Variants in MGAM observed in about 807,000 individuals in gnomAD.
The protein encoded by MGAM is maltase-glucoamylase.
MGAM carries 253 observed loss-of-function variants against 358.8 expected under a neutral mutation model. The ratio of observed to expected loss-of-function variants is 0.71; its 90% CI spans 0.64 to 0.78. MGAM has a LOEUF of 0.78. Ranked by LOEUF, MGAM falls within the 30% of genes least tolerant of loss-of-function variation. The pLI is 0.00. For synonymous variants in MGAM, 1,105 were observed against 1,227.1 expected, an observed-to-expected ratio of 0.90 and a Z score of 2.08; for missense variants, 3,080 against 3,432.6, an observed-to-expected ratio of 0.90 and a Z score of 2.57.
intron 21 of MGAM, among the ~76,000 whole-genome samples, chr7:142,043,788 CAT>C (rs1313074411): frequency 2.5e-5 from 2 of 79,254 alleles, no homozygotes; most frequent in East Asian, 3.8e-4. Flanking sequence ...ACACATACGA[CAT>C]ATAATATATA....
At chr7:142,063,376 C>T (rs1812414667) in intron 35 of MGAM, 123 bp from the exon 36 acceptor site, 2 of 1,168,788 alleles carry the variant, frequency 1.7e-6, no homozygotes, top group South Asian at 1.4e-5. Context: ...GATGAAGCTC[C>T]CAGGGCTGGC....
chr7:142,095,537 T>G, intron 63 of MGAM, 28 bp from the exon 64 acceptor site: 1 of 1,612,082 alleles, frequency 6.2e-7, no homozygotes, highest in East Asian at 2.2e-5. Flanking sequence ...CAGGGCAAGC[T>G]CCCAACACTG....
intron 53 of MGAM, among the ~76,000 whole-genome samples, chr7:142,083,926 AGTG>A (rs1563208159): frequency 9.6e-6 from 1 of 104,654 alleles, no homozygotes; most frequent in African/African-American, 8.2e-5. Context: ...TGGTGGTGAC[AGTG>A]GGGTGGTGTG....
rs28566864 is a variant in MGAM, at chr7:142,037,070, A to G, written c.2231+93A>G. ...ATCAGAGTGAAAACTGAAACAATTC[A>G]GGCAGTTATTCATATCTATCTGTAT... On this transcript the variant is annotated intron_variant, in intron 18 of 70. Coordinates refer to ENST00000475668, the MANE Select transcript of MGAM (RefSeq NM_001365693.1). 20,378 of 1,302,668 alleles carry G rather than the reference A, an allele frequency of 0.016. 2,231 individuals carry two copies. In the African/African-American group the frequency reaches 0.25, roughly 16 times the overall value. The allele number at this position is 1,302,668 out of a possible 1,614,324, so 80.7% of individuals were successfully genotyped here. A position where few individuals can be genotyped will look rare whatever the true frequency, so the allele number is the denominator to read the frequency against.
chr7:142,016,029 T>C (rs1554455968), intron 3 of MGAM, among the ~76,000 whole-genome samples: 1 of 152,218 alleles, frequency 6.6e-6, no homozygotes, highest in Non-Finnish European at 1.5e-5. Context: ...CTGTTATTAA[T>C]CCTTTGTGTG....
In MGAM at chr7:142,034,693, A is replaced by C; in HGVS notation, c.1811A>C (p.Asn604Thr). 1 of 1,613,444 alleles carries C rather than the reference A, an allele frequency of 6.2e-7. No individual in the cohort carries two copies. Among genetic ancestry groups the C allele is most frequent in the Non-Finnish European group, 8.5e-7 (1 of 1,179,584 alleles). ...AGAGCTGCCAAGACTGTGTTCCCTA[A>C]TAAGAGAAGCTTCATTCTGACCCGT... ...TAEAAKTVFP[N>T]KRSFILTRST... The change falls in exon 16 of 71, where the codon AAT becomes ACT. Residue 604 changes from asparagine to threonine, a missense_variant. Coordinates refer to ENST00000475668, the MANE Select transcript of MGAM (RefSeq NM_001365693.1).
In MGAM at chr7:142,040,796, A is replaced by G. The variant is rs1808449294; in HGVS notation, c.2448A>G (p.Arg816=). ...GAGACAAAATTGGACTTCACCTTCGAGGAGGCTACATCTTCCCCACACAGC... is the reference window on the plus strand; with the variant it reads ...GAGACAAAATTGGACTTCACCTTCGGGGAGGCTACATCTTCCCCACACAGC... ...LPGDKIGLHL[R]GGYIFPTQQP... is the part of the protein sequence containing the mutation. The change falls in exon 21 of 71, where the codon CGA becomes CGG. Residue 816 remains arginine (R), a synonymous_variant. Coordinates refer to ENST00000475668, the MANE Select transcript of MGAM (RefSeq NM_001365693.1). 1 of 1,613,366 alleles carries G rather than the reference A, an allele frequency of 6.2e-7. No homozygotes were observed.
intron 1 of MGAM, among the ~76,000 whole-genome samples, chr7:141,999,796 T>C (rs1335687559): frequency 2.0e-5 from 3 of 152,196 alleles, no homozygotes; most frequent in Non-Finnish European, 4.4e-5. Context: ...CGTCTTGCCA[T>C]TTTTCCTGAT....
In MGAM at chr7:142,030,457, G is replaced by A. The variant is rs1554462916; in HGVS notation, c.1317G>A (p.Glu439=). 6 of 1,613,638 alleles carry A rather than the reference G, an allele frequency of 3.7e-6. No homozygotes were observed. The highest frequency in any genetic ancestry group is 5.1e-6 in the Non-Finnish European group (6 of 1,179,732). The change falls in exon 11 of 71, where the codon GAG becomes GAA. Residue 439 remains glutamate, a synonymous_variant. Transcript: ENST00000475668. ...AAGGCTTCCCTGAATTTGTCAACGA[G>A]TTACACAATAATGGACAGAAGCTTG... ...DFKGFPEFVN[E]LHNNGQKLVI...
upstream of MGAM, among the ~76,000 whole-genome samples, chr7:141,991,584 G>A (rs1484253643): frequency 2.0e-5 from 3 of 151,870 alleles, no homozygotes; most frequent in South Asian, 4.2e-4. Context: ...TTATAGGCAC[G>A]CGCTACCATG....
At chr7:142,064,584 A>G in intron 37 of MGAM, 62 bp downstream of exon 37, 1 of 1,533,680 alleles carries the variant, frequency 6.5e-7, no homozygotes, top group Non-Finnish European at 8.8e-7. Flanking sequence ...TGACTGACAT[A>G]GCTACCCTAG....
At chr7:142,098,504 A>C (rs1302566912) in intron 66 of MGAM, among the ~76,000 whole-genome samples, 1 of 152,086 alleles carries the variant, frequency 6.6e-6, no homozygotes, top group Non-Finnish European at 1.5e-5. Context: ...CTTTCATCCA[A>C]GGGGATTGCA....
rs746418108 is a variant in MGAM at position 142,076,718 on chromosome 7, C to T, written c.5385C>T (p.Phe1795=). 1.0e-4 allele frequency: 158 copies of T among 1,552,568 alleles called. 14 individuals carry two copies. Among genetic ancestry groups the T allele is most frequent in the African/African-American group, 3.3e-4 (25 of 74,634 alleles). The change falls in exon 47 of 71, where the codon TTC becomes TTT. Residue 1795 remains phenylalanine, a synonymous_variant. Coordinates refer to ENST00000475668, the MANE Select transcript of MGAM (RefSeq NM_001365693.1). Reference sequence around the variant, plus strand: ...ACAAGGACCCCAATAATTTAGCATTCAATGAGATTAAAATTCTTGGGATGG... The same window carrying T: ...ACAAGGACCCCAATAATTTAGCATTTAATGAGATTAAAATTCTTGGGATGG... ...STYKDPNNLA[F]NEIKILGMEE...
At chr7:142,074,995 T>TC (rs1178794951) in intron 45 of MGAM, among the ~76,000 whole-genome samples, 2 of 146,060 alleles carry the variant, frequency 1.4e-5, no homozygotes, top group African/African-American at 4.9e-5. Context: ...GACCATCATC[T>TC]CCCCATTTTC....
intron 57 of MGAM, among the ~76,000 whole-genome samples, chr7:142,088,743 GTCTGTCTA>G (rs1428997660): frequency 0.031 from 3,030 of 96,412 alleles, 109 homozygotes; most frequent in African/African-American, 0.06. Context: ...CTGTCTGTCT[GTCTGTCTA>G]TCTATCTATC....
rs755314953 is a variant in MGAM, at chr7:142,082,163, T to C, written c.6124T>C (p.Leu2042=). The change falls in exon 51 of 71, where the codon TTG becomes CTG. Residue 2042 remains leucine, a synonymous_variant. Coordinates refer to ENST00000475668, the MANE Select transcript of MGAM (RefSeq NM_001365693.1). The part of the protein sequence containing the change: ...ETEHTSYRRD[L]EWHTWGMFSR... ...TGAGCACACGTCCTACAGGAGAGAC[T>C]TGGAGTGGCACACTTGGGGGATGTT... The C allele has an allele frequency of 6.4e-7, 1 of 1,555,434 alleles. No individual in the cohort carries two copies. Among genetic ancestry groups the C allele is most frequent in the Non-Finnish European group, 8.8e-7 (1 of 1,132,346 alleles).
chr7:142,058,254 T>G lies in MGAM; in HGVS notation c.3745T>G (p.Cys1249Gly), dbSNP rs767531660. ...TTACTGGTCTTTGGGGTTCCAGCTG[T>G]GTCGCTATGGCTACCAGAATGACTC... Reference protein sequence around the residue: ...VPYWSLGFQLCRYGYQNDSEI... With the variant: ...VPYWSLGFQLGRYGYQNDSEI... Residue 1249 changes from cysteine (C) to glycine (G), a missense_variant, in exon 31 of 71, where the codon TGT (cysteine) becomes GGT (glycine). Coordinates refer to ENST00000475668, the MANE Select transcript of MGAM (RefSeq NM_001365693.1). The G allele has an allele frequency of 6.2e-7, 1 of 1,613,944 alleles. No individual in the cohort carries two copies. Among genetic ancestry groups the G allele is most frequent in the South Asian group, 1.1e-5 (1 of 91,076 alleles).
intron 3 of MGAM, among the ~76,000 whole-genome samples, chr7:142,014,445 C>T (rs1021002229): frequency 6.6e-6 from 1 of 152,072 alleles, no homozygotes; most frequent in African/African-American, 2.4e-5. Flanking sequence ...TTTATTTTCA[C>T]AATGGTTTTG....
chr7:142,041,418 T>A lies in MGAM; in HGVS notation c.2498+572T>A, dbSNP rs909147090. Among the ~76,000 whole-genome samples, 9 of 152,116 alleles carry A rather than the reference T, an allele frequency of 5.9e-5. 1 individual carries two copies. The highest frequency in any genetic ancestry group is 2.2e-4 in the African/African-American group (9 of 41,428). ...AATTTTCCAAGTTGTAGACTTTTTA[T>A]GATACTAATGGAAAATATCCCTGAA... is the stretch of plus-strand genomic sequence containing the variant. On this transcript the variant is annotated intron_variant, in intron 21 of 70. Coordinates refer to ENST00000475668, the MANE Select transcript of MGAM (RefSeq NM_001365693.1).
Sources: allele counts gnomAD v4.1 joint callset (sites outside exome capture counted in the v4.1 genomes callset), GRCh38; gene constraint gnomAD v4.1.1; transcripts MANE v1.5; gene names NCBI Gene and HGNC (gene_info 2026-07-23, HGNC 2026-07-21).